The following ITIH6 variants were observed in gnomAD, a reference collection of about 807,000 sequenced individuals.
The protein encoded by ITIH6 is inter-alpha-trypsin inhibitor heavy chain H6.
In ITIH6, 60 loss-of-function variants were observed where a neutral mutation model predicts 58.2. That is an observed-to-expected ratio of 1.03 (90% CI 0.84 to 1.28). The LOEUF (loss-of-function observed/expected upper bound fraction) is 1.28. ITIH6 is among the 50% of genes most tolerant of loss of function. The pLI, the probability that ITIH6 is intolerant of heterozygous loss-of-function variation, is 0.00. For synonymous variants in ITIH6, 493 were observed against 417.4 expected (o/e 1.18, Z -2.21); for missense variants, 1,290 against 1,021.1 (o/e 1.26, Z -3.59).
At chrX:54,788,799 C>T (rs944683714) in intron 4 of ITIH6, 150 bp from the exon 5 acceptor site, 2 of 463,635 alleles carry the variant, frequency 4.3e-6, no homozygotes, top group Non-Finnish European at 7.5e-6. Flanking sequence ...CTACATCTTT[C>T]CACCTGCCCC....
intron 6 of ITIH6, among the ~76,000 whole-genome samples, chrX:54,767,555 G>A (rs1928825149): frequency 2.0e-5 from 2 of 99,422 alleles, no homozygotes; most frequent in South Asian, 9.5e-4. Flanking sequence ...TCTACACACT[G>A]CTTTGAATGC....
At chrX:54,752,329 T>G (rs755106229) in intron 11 of ITIH6, among the ~76,000 whole-genome samples, 1 of 111,773 alleles carries the variant, frequency 8.9e-6, no homozygotes, top group African/African-American at 3.3e-5. Context: ...CTGCTAAAAT[T>G]GAAGGAAGAA....
intron 4 of ITIH6, among the ~76,000 whole-genome samples, chrX:54,790,292 C>G (rs886986363): frequency 1.4e-4 from 16 of 110,843 alleles, no homozygotes; most frequent in Non-Finnish European, 2.5e-4. Context: ...CTCCAGGAAT[C>G]TGCATTTCTA....
chrX:54,750,023 C>T lies in ITIH6; in HGVS notation c.3814G>A (p.Val1272Met). Reference sequence around the variant, plus strand: ...TTCAGCAGCCTCTTGCCTAGAATCACAGGCACATCTGGGCCATGGTGCCTT... The same window carrying T: ...TTCAGCAGCCTCTTGCCTAGAATCATAGGCACATCTGGGCCATGGTGCCTT... Reference protein sequence around the residue: ...LRRHHGPDVPVILGKRLLKDS... With the variant: ...LRRHHGPDVPMILGKRLLKDS... Residue 1272 changes from valine (V) to methionine (M), a missense_variant, in exon 13 of 13, where the codon GTG becomes ATG. By Grantham distance (21) the Val-to-Met change is conservative. Transcript: ENST00000218436. The T allele has an allele frequency of 8.3e-7, 1 of 1,210,892 alleles. No individual in the cohort carries two copies. Among genetic ancestry groups the T allele is most frequent in the Non-Finnish European group, 1.1e-6 (1 of 894,682 alleles).
At chrX:54,782,551 C>A (rs1223869686) in intron 5 of ITIH6, among the ~76,000 whole-genome samples, 1 of 111,707 alleles carries the variant, frequency 9.0e-6, no homozygotes, top group East Asian at 2.8e-4. Context: ...TTATGTGTAC[C>A]CTTGAACTTA....
chrX:54,761,766 C>A (rs1420012221), intron 6 of ITIH6, among the ~76,000 whole-genome samples: 12 of 111,042 alleles, frequency 1.1e-4, no homozygotes, highest in African/African-American at 3.9e-4. Flanking sequence ...GGTATTATTT[C>A]TGAGGGCTCT....
chrX:54,792,695 A>G (rs770721647), intron 2 of ITIH6, among the ~76,000 whole-genome samples: 43 of 111,787 alleles, frequency 3.8e-4, no homozygotes, highest in Admixed American at 1.2e-3. Context: ...ATGAGTTACA[A>G]GCAGACTTGC....
intron 3 of ITIH6, among the ~76,000 whole-genome samples, chrX:54,791,589 C>T (rs1197022720): frequency 1.8e-5 from 2 of 111,073 alleles, no homozygotes; most frequent in South Asian, 3.8e-4. Context: ...GAAGACAATA[C>T]ATTTCTGCCC....
chrX:54,762,341 A>G (rs898149542), intron 6 of ITIH6, among the ~76,000 whole-genome samples: 3 of 111,419 alleles, frequency 2.7e-5, no homozygotes, highest in East Asian at 2.8e-4. Flanking sequence ...ATTTTGGGCT[A>G]AGACAATGGG....
chrX:54,763,016 C>A (rs758803654), intron 6 of ITIH6, among the ~76,000 whole-genome samples: 1 of 112,040 alleles, frequency 8.9e-6, no homozygotes, highest in African/African-American at 3.2e-5. Flanking sequence ...GAGGTGGGTG[C>A]TTGCTTAAGG....
In ITIH6 at chrX:54,789,372, C is replaced by T. The variant is rs1469856260; in HGVS notation, c.617-723G>A. Among the ~76,000 whole-genome samples the T allele has an allele frequency of 1.3e-3, 148 of 111,633 alleles. 2 individuals carry two copies. Among genetic ancestry groups the T allele is most frequent in the African/African-American group, 4.1e-3 (127 of 30,645 alleles). On this transcript the variant is annotated intron_variant, in intron 4 of 12. Transcript: ENST00000218436. ...GAAACTTGGGAATTCTGCTCCCCCTCCTTCCTGCCACAGCTGTCAGGAAGC... is the reference window on the plus strand; with the variant it reads ...GAAACTTGGGAATTCTGCTCCCCCTTCTTCCTGCCACAGCTGTCAGGAAGC...
rs201553161 is a variant in ITIH6, at chrX:54,756,292, GT to G, written c.3109+672del. ...TGGAGTGGTGAATCACATTCATTCT[GT>G]GACCAGATTGTATGAGTTCAACTCT... On this transcript the variant is annotated intron_variant, in intron 8 of 12. Coordinates refer to ENST00000218436, the MANE Select transcript of ITIH6 (RefSeq NM_198510.3). Among the ~76,000 whole-genome samples, 17 of 111,484 alleles carry G rather than the reference GT, an allele frequency of 1.5e-4. No homozygotes were observed. In the East Asian group the frequency reaches 4.2e-3, roughly 28 times the overall value.
At position 54,757,729 on chromosome X, in the gene ITIH6, A is replaced by G. The variant is rs1928528462; in HGVS notation, c.2345T>C (p.Leu782Pro). 2 of 1,211,747 alleles carry G rather than the reference A, an allele frequency of 1.7e-6. No individual in the cohort carries two copies. Among genetic ancestry groups the G allele is most frequent in the East Asian group, 5.9e-5 (2 of 33,830 alleles). ...KADTVKCVTPLHSKPGAPSHP... is the reference protein window; with the variant it reads ...KADTVKCVTPPHSKPGAPSHP... ...CGATGGAGCACCAGGTTTGGAATGC[A>G]GTGGAGTAACACATTTCACAGTGTC... Residue 782 changes from leucine to proline, a missense_variant, in exon 8 of 13, where the codon CTG becomes CCG. Physicochemically the swap from Leu to Pro is moderately conservative, Grantham distance 98. Transcript: ENST00000218436.
At chrX:54,785,147 T>C (rs1929219071) in intron 5 of ITIH6, among the ~76,000 whole-genome samples, 1 of 102,629 alleles carries the variant, frequency 9.7e-6, no homozygotes, top group African/African-American at 3.7e-5. Flanking sequence ...ATCTAAAAAA[T>C]GAAAGCCGTT....
At chrX:54,750,569 C>T (rs1239702436) in intron 12 of ITIH6, among the ~76,000 whole-genome samples, 3 of 111,628 alleles carry the variant, frequency 2.7e-5, no homozygotes, top group South Asian at 3.8e-4. Context: ...TGTCTCTCCT[C>T]GGCTTACAAC....
chrX:54,771,002 T>A (rs5961135), intron 6 of ITIH6, among the ~76,000 whole-genome samples: 5,841 of 111,836 alleles, frequency 0.052, 389 homozygotes, highest in African/African-American at 0.18. Context: ...GTTTTTTCCT[T>A]TAACACTTGT....
chrX:54,771,395 G>A (rs1277237099), intron 6 of ITIH6, among the ~76,000 whole-genome samples: 1 of 111,158 alleles, frequency 9.0e-6, no homozygotes, highest in Non-Finnish European at 1.9e-5. Context: ...TTTTATTTTT[G>A]TTTTTTAGCT....
intron 1 of ITIH6, among the ~76,000 whole-genome samples, chrX:54,797,356 C>A (rs1929461585): frequency 1.8e-5 from 2 of 111,950 alleles, no homozygotes; most frequent in African/African-American, 6.5e-5. Flanking sequence ...ACTTCTCTAA[C>A]TTTGATGTGC....
intron 2 of ITIH6, among the ~76,000 whole-genome samples, chrX:54,796,683 C>CAAA (rs11368671): frequency 2.8e-3 from 222 of 78,385 alleles, no homozygotes; most frequent in African/African-American, 9.3e-3. Flanking sequence ...GACTCCATGT[C>CAAA]AAAAAAAAAA....
Sources: allele counts gnomAD v4.1 joint callset (sites outside exome capture counted in the v4.1 genomes callset), GRCh38; gene constraint gnomAD v4.1.1; transcripts MANE v1.5; gene names NCBI Gene and HGNC (gene_info 2026-07-23, HGNC 2026-07-21).